The following LOXHD1 variants were observed in gnomAD, a reference collection of about 807,000 sequenced individuals.
LOXHD1 encodes the protein lipoxygenase homology PLAT domains 1.
LOXHD1 carries 205 observed loss-of-function variants against 248.2 expected under a neutral mutation model. That is an observed-to-expected ratio of 0.83 (90% CI 0.74 to 0.93). The LOEUF (loss-of-function observed/expected upper bound fraction) is 0.93. Among genes scored for constraint, LOXHD1 ranks in the 40% least tolerant of loss-of-function variants. The probability of loss-of-function intolerance (pLI) is 0.00; values close to 1 mark genes in which losing one functional copy is unlikely to be tolerated. For missense variants in LOXHD1, 2,930 were observed against 2,971.6 expected, an observed-to-expected ratio of 0.99 and a Z score of 0.33; for synonymous variants, 1,113 against 1,162.8, an observed-to-expected ratio of 0.96 and a Z score of 0.87.
intron 23 of LOXHD1, among the ~76,000 whole-genome samples, 167 bp downstream of exon 23, chr18:46,545,150 G>C (rs1041885754): frequency 1.3e-5 from 2 of 152,158 alleles, no homozygotes; most frequent in Non-Finnish European, 2.9e-5. Context: ...CAGAGAAAAA[G>C]AAAATTTTTA....
intron 34 of LOXHD1, among the ~76,000 whole-genome samples, chr18:46,510,761 A>G (rs1359172459): frequency 6.6e-6 from 1 of 152,244 alleles, no homozygotes; most frequent in Admixed American, 6.5e-5. Flanking sequence ...GTGGTGAAAC[A>G]GAGACAATCT....
rs1390169510 is a variant in LOXHD1 at position 46,572,179 on chromosome 18, G to A, written c.1971-17C>T. ...TCCAACCACCTGGTGGGCAAATGGG[G>A]GAATGTTAGCTCTTTGGGTGGAGCA... On this transcript the variant is annotated splice_polypyrimidine_tract_variant and intron_variant, in intron 14 of 40. Transcript: ENST00000642948. 1.3e-6 allele frequency: 2 copies of A among 1,550,772 alleles called. No homozygotes were observed. Among genetic ancestry groups the A allele is most frequent in the African/African-American group, 1.4e-5 (1 of 73,138 alleles).
Position 46,485,015 on chromosome 18 carries a change from C to T in LOXHD1, c.6182+4G>A, listed in dbSNP as rs1252453892. ...ACCACTTCCCATGGGCCTCCCCTTC[C>T]TACTTCCTAAAGGCCCGCTGCCTAG... On this transcript the variant is annotated splice_donor_region_variant and intron_variant, in intron 39 of 40. Transcript: ENST00000642948. 4.5e-6 allele frequency: 7 copies of T among 1,550,750 alleles called. No individual in the cohort carries two copies. The African/African-American group carries it at 8.2e-5, about 18-fold the overall frequency.
intron 12 of LOXHD1, among the ~76,000 whole-genome samples, chr18:46,590,778 C>T (rs1307538692): frequency 6.6e-6 from 1 of 152,158 alleles, no homozygotes; most frequent in African/African-American, 2.4e-5. Flanking sequence ...TTAACTCTGT[C>T]TCTAACTAAC....
At chr18:46,603,600 C>A (rs372872962) in intron 7 of LOXHD1, among the ~76,000 whole-genome samples, 1 of 152,116 alleles carries the variant, frequency 6.6e-6, no homozygotes, top group African/African-American at 2.4e-5. Context: ...AGGAAGCAGA[C>A]CAAATCCTGA....
At chr18:46,624,697 T>C (rs2038715874) in intron 4 of LOXHD1, among the ~76,000 whole-genome samples, 2 of 152,194 alleles carry the variant, frequency 1.3e-5, no homozygotes, top group Admixed American at 1.3e-4. Context: ...AGCTCTTCCA[T>C]GGCCTCTGCG....
chr18:46,497,364 C>G (rs563790048), intron 37 of LOXHD1, among the ~76,000 whole-genome samples: 16 of 152,206 alleles, frequency 1.1e-4, no homozygotes, highest in African/African-American at 3.6e-4. Context: ...AGATTTTGAC[C>G]GTGAGGAGAT....
At chr18:46,543,579 CCT>C (rs1398895577) in intron 23 of LOXHD1, among the ~76,000 whole-genome samples, 2 of 152,124 alleles carry the variant, frequency 1.3e-5, no homozygotes, top group Non-Finnish European at 2.9e-5. Flanking sequence ...CCCCCCACCC[CCT>C]GACAGGCCTC....
intron 26 of LOXHD1, among the ~76,000 whole-genome samples, chr18:46,537,577 G>A (rs2036367291): frequency 6.6e-6 from 1 of 152,182 alleles, no homozygotes; most frequent in East Asian, 1.9e-4. Flanking sequence ...CAGGCACAGT[G>A]TGCATGCACT....
chr18:46,604,352 C>T (rs1466232370), intron 6 of LOXHD1, 123 bp from the exon 7 acceptor site: 1 of 1,333,132 alleles, frequency 7.5e-7, no homozygotes, highest in Non-Finnish European at 1.0e-6. Flanking sequence ...TGTTTCGTGG[C>T]CCAAGGAAAG....
At chr18:46,514,853 A>G (rs1392916822) in intron 34 of LOXHD1, among the ~76,000 whole-genome samples, 1 of 152,216 alleles carries the variant, frequency 6.6e-6, no homozygotes, top group Non-Finnish European at 1.5e-5. Context: ...ACTTCCCGCT[A>G]TAGAAATACC....
chr18:46,573,875 A>G (rs79483645), intron 14 of LOXHD1, among the ~76,000 whole-genome samples: 246 of 152,316 alleles, frequency 1.6e-3, no homozygotes, highest in Non-Finnish European at 2.6e-3. Context: ...AGAACATAAG[A>G]AAACCATTGG....
chr18:46,477,539 C>T lies in LOXHD1; in HGVS notation c.6755G>A (p.Cys2252Tyr). 1 of 1,551,586 alleles carries T rather than the reference C, an allele frequency of 6.4e-7. No homozygotes were observed. Among genetic ancestry groups the T allele is most frequent in the Non-Finnish European group, 8.7e-7 (1 of 1,147,004 alleles). Residue 2252 changes from cysteine to tyrosine, a missense_variant, in exon 41 of 41, where the codon TGT becomes TAT. Cys to Tyr is a radical substitution (Grantham distance 194, BLOSUM62 -2). Transcript: ENST00000642948. ...TSTGVATIFNCGRWLDKKRGD... is the reference protein window; with the variant it reads ...TSTGVATIFNYGRWLDKKRGD... ...CCGCTTCTTGTCCAGCCACCTGCCA[C>T]AGTTGAAGATGGTGGCCACGCCGGT...
At position 46,569,511 on chromosome 18, in the gene LOXHD1, G is replaced by A. The variant is rs2086005; in HGVS notation, c.2175C>T (p.Asn725=). ...CACGTTCAAAGTAGTCTTTGAGGTT[G>A]TTGTCAGAGACAAGAAGAACTTGCT... The part of the protein sequence containing the change: ...TIKQVLLVSD[N]NLKDYFERGR... Residue 725 remains asparagine, a synonymous_variant, in exon 16 of 41, where the codon AAC becomes AAT. Coordinates refer to ENST00000642948, the MANE Select transcript of LOXHD1 (RefSeq NM_001384474.1). 191,291 of 1,551,864 alleles carry A rather than the reference G, an allele frequency of 0.12. 13,200 individuals are homozygous for A. The highest frequency in any genetic ancestry group is 0.14 in the Non-Finnish European group (165,473 of 1,146,830).
chr18:46,535,419 T>G (rs1438671019), intron 26 of LOXHD1, among the ~76,000 whole-genome samples: 1 of 151,586 alleles, frequency 6.6e-6, no homozygotes, highest in Admixed American at 6.6e-5. Flanking sequence ...GATACATGTG[T>G]GCCAGGTGAG....
intron 17 of LOXHD1, among the ~76,000 whole-genome samples, 199 bp downstream of exon 17, chr18:46,566,058 C>T (rs1448086418): frequency 1.3e-5 from 2 of 152,210 alleles, no homozygotes; most frequent in Admixed American, 6.5e-5. Flanking sequence ...TCCTCAGTTT[C>T]CTCATCTATA....
chr18:46,571,100 C>T (rs1325113560), intron 15 of LOXHD1, among the ~76,000 whole-genome samples: 2 of 152,196 alleles, frequency 1.3e-5, no homozygotes, highest in Admixed American at 6.5e-5. Flanking sequence ...ATCTTAAATT[C>T]TGTAATTCTG....
intron 25 of LOXHD1, among the ~76,000 whole-genome samples, chr18:46,541,397 A>G (rs535482425): frequency 6.6e-6 from 1 of 152,278 alleles, no homozygotes; most frequent in South Asian, 2.1e-4. Flanking sequence ...TGACTGGAGT[A>G]AGGATTGGTG....
chr18:46,631,583 AAG>A (rs2038823249), intron 4 of LOXHD1, among the ~76,000 whole-genome samples: 1 of 152,152 alleles, frequency 6.6e-6, no homozygotes, highest in Admixed American at 6.5e-5. Context: ...GCATGCAAAA[AAG>A]AGGAGGATGA....
Sources: allele counts gnomAD v4.1 joint callset (sites outside exome capture counted in the v4.1 genomes callset), GRCh38; gene constraint gnomAD v4.1.1; transcripts MANE v1.5; gene names NCBI Gene and HGNC (gene_info 2026-07-23, HGNC 2026-07-21).